Variants in DPP6 observed in about 807,000 individuals in gnomAD.
DPP6 encodes the protein dipeptidyl peptidase like 6.
A neutral mutation model predicts 122.6 loss-of-function variants in DPP6; 69 were observed. That is an observed-to-expected ratio of 0.56 (90% CI 0.46 to 0.69). The LOEUF (loss-of-function observed/expected upper bound fraction) is 0.69. Ranked by LOEUF, DPP6 falls within the 30% of genes least tolerant of loss-of-function variation. The pLI, the probability that DPP6 is intolerant of heterozygous loss-of-function variation, is 0.00. For synonymous variants in DPP6, 418 were observed against 433.1 expected, an observed-to-expected ratio of 0.97 and a Z score of 0.43; for missense variants, 928 against 1,116.9, an observed-to-expected ratio of 0.83 and a Z score of 2.41.
intron 1 of DPP6, among the ~76,000 whole-genome samples, chr7:154,077,020 A>G (rs1008108540): frequency 2.0e-5 from 3 of 152,218 alleles, no homozygotes; most frequent in African/African-American, 7.2e-5. Flanking sequence ...TTCTGGTGCT[A>G]TAATTGTGAA....
chr7:154,383,424 A>G (rs1279983744), intron 1 of DPP6, among the ~76,000 whole-genome samples: 3 of 152,250 alleles, frequency 2.0e-5, no homozygotes, highest in South Asian at 4.1e-4. Context: ...TCGATTTGCA[A>G]AACATTGTTT....
Position 153,987,390 on chromosome 7 carries a change from A to G in DPP6, c.51+99656A>G, listed in dbSNP as rs1428959703. On this transcript the variant is annotated intron_variant, in intron 1 of 25. Transcript: ENST00000404039. ...CTGAACAGGCTTAGAAAATCATTCT[A>G]AAGAATGCATGGTTTGTGTAGTTGT... 2.0e-5 allele frequency among the ~76,000 whole-genome samples: 3 copies of G among 152,190 alleles called. No homozygotes were observed. The East Asian group carries it at 5.8e-4, about 29-fold the overall frequency.
chr7:154,655,892 A>C (rs1837207866), intron 6 of DPP6, among the ~76,000 whole-genome samples: 1 of 152,156 alleles, frequency 6.6e-6, no homozygotes, highest in Non-Finnish European at 1.5e-5. Flanking sequence ...CTGGTCAGCT[A>C]CCTGGCCCTG....
At chr7:154,311,021 A>G (rs1806826310) in intron 1 of DPP6, among the ~76,000 whole-genome samples, 1 of 152,180 alleles carries the variant, frequency 6.6e-6, no homozygotes, top group South Asian at 2.1e-4. Context: ...TCGGGGAGAA[A>G]GTGATTCTCT....
intron 7 of DPP6, among the ~76,000 whole-genome samples, chr7:154,690,188 A>G (rs1361617188): frequency 6.6e-6 from 1 of 152,174 alleles, no homozygotes; most frequent in African/African-American, 2.4e-5. Flanking sequence ...AACATATGAA[A>G]TGTCAGTGTT....
chr7:154,173,882 G>A (rs1042869584), intron 1 of DPP6, among the ~76,000 whole-genome samples: 1 of 152,136 alleles, frequency 6.6e-6, no homozygotes, highest in South Asian at 2.1e-4. Flanking sequence ...TCTGACGGGC[G>A]GGACCCTGAC....
chr7:154,160,511 G>A (rs1042770508), intron 1 of DPP6, among the ~76,000 whole-genome samples: 26 of 152,174 alleles, frequency 1.7e-4, no homozygotes, highest in African/African-American at 5.3e-4. Flanking sequence ...CAACTATCAC[G>A]GAAAGTTCAA....
At chr7:154,551,771 A>G (rs1274159529) in intron 4 of DPP6, among the ~76,000 whole-genome samples, 2 of 151,992 alleles carry the variant, frequency 1.3e-5, no homozygotes, top group East Asian at 3.9e-4. Context: ...ATCTCTGCCT[A>G]AGAAATGTAT....
intron 8 of DPP6, among the ~76,000 whole-genome samples, chr7:154,742,062 G>A (rs1842843203): frequency 6.6e-6 from 1 of 152,210 alleles, no homozygotes; most frequent in Non-Finnish European, 1.5e-5. Context: ...ATGGATTGCA[G>A]TGCCCCACCC....
intron 8 of DPP6, among the ~76,000 whole-genome samples, chr7:154,752,788 G>A (rs1843460109): frequency 1.3e-5 from 2 of 152,336 alleles, no homozygotes; most frequent in South Asian, 2.1e-4. Context: ...AGAGCCAGAA[G>A]GTTCTGGGGG....
At chr7:154,323,893 A>G (rs1453766261) in intron 1 of DPP6, among the ~76,000 whole-genome samples, 1 of 152,202 alleles carries the variant, frequency 6.6e-6, no homozygotes, top group African/African-American at 2.4e-5. Context: ...CCAACATCTG[A>G]TGGGTTTGAT....
At position 154,872,636 on chromosome 7, in the gene DPP6, A is replaced by G. The variant is rs1804494279; in HGVS notation, c.1826A>G (p.Gln609Arg). Residue 609 changes from glutamine (Q) to arginine (R), a missense_variant, in exon 19 of 26, where the codon CAG (glutamine) becomes CGG (arginine). By Grantham distance (43) the Gln-to-Arg change is conservative (BLOSUM62 1). Coordinates refer to ENST00000377770, the MANE Select transcript of DPP6 (RefSeq NM_130797.4). ...IEIDDYNLPM[Q>R]ILKPATFTDT... ...TGCTTCTCCCCAGACCTGCCCATGC[A>G]GATACTGAAGCCAGCAACCTTCACC... 1 of 1,601,444 alleles carries G rather than the reference A, an allele frequency of 6.2e-7. No homozygotes were observed. The highest frequency in any genetic ancestry group is 8.5e-7 in the Non-Finnish European group (1 of 1,174,304).
chr7:154,598,850 A>C (rs903316594), intron 5 of DPP6, among the ~76,000 whole-genome samples: 1 of 152,144 alleles, frequency 6.6e-6, no homozygotes, highest in Non-Finnish European at 1.5e-5. Context: ...TGTTTGTTTT[A>C]TAAAGTGTTA....
chr7:154,567,031 G>T, intron 5 of DPP6, 115 bp downstream of exon 5: 1 of 763,400 alleles, frequency 1.3e-6, no homozygotes, highest in Non-Finnish European at 2.1e-6. Flanking sequence ...GAAATACTTT[G>T]TACATCCTGG....
chr7:154,029,142 G>T (rs556110057), intron 1 of DPP6, among the ~76,000 whole-genome samples: 1 of 148,998 alleles, frequency 6.7e-6, no homozygotes, highest in Non-Finnish European at 1.5e-5. Context: ...CCATGTTTCC[G>T]ATTTAAATGA....
intron 1 of DPP6, among the ~76,000 whole-genome samples, chr7:153,925,114 A>G (rs1472033771): frequency 6.6e-6 from 1 of 152,168 alleles, no homozygotes; most frequent in Non-Finnish European, 1.5e-5. Context: ...GAAGGAGCCC[A>G]TTAACCACAA....
chr7:154,083,381 T>C (rs1804171825), intron 1 of DPP6, among the ~76,000 whole-genome samples: 1 of 151,990 alleles, frequency 6.6e-6, no homozygotes, highest in Admixed American at 6.6e-5. Context: ...CTCTTATTTA[T>C]CTCTCTTCAG....
chr7:154,357,967 A>G (rs1244143694), intron 1 of DPP6, among the ~76,000 whole-genome samples: 1 of 151,928 alleles, frequency 6.6e-6, no homozygotes, highest in Non-Finnish European at 1.5e-5. Context: ...AAAAGAAAAG[A>G]AAAGAAATCT....
In DPP6 at chr7:154,870,713, A is replaced by G. The variant is rs962974155; in HGVS notation, c.1814-1911A>G. Among the ~76,000 whole-genome samples the G allele has an allele frequency of 4.0e-5, 6 of 151,614 alleles. No homozygotes were observed. The East Asian group carries it at 1.2e-3, about 29-fold the overall frequency. On this transcript the variant is annotated intron_variant, in intron 18 of 25. Coordinates refer to ENST00000377770, the MANE Select transcript of DPP6 (RefSeq NM_130797.4). Reference sequence around the variant, plus strand: ...CACGGTGGCTCACGCCTGTAATCCCAGCACTTTGGGAGGCCGAGGCATGCG... The same window carrying G: ...CACGGTGGCTCACGCCTGTAATCCCGGCACTTTGGGAGGCCGAGGCATGCG...
Sources: allele counts gnomAD v4.1 joint callset (sites outside exome capture counted in the v4.1 genomes callset), GRCh38; gene constraint gnomAD v4.1.1; transcripts MANE v1.5; gene names NCBI Gene and HGNC (gene_info 2026-07-23, HGNC 2026-07-21).